The following ERC2 variants were observed in gnomAD, a reference collection of about 807,000 sequenced individuals.
ERC2 encodes ELKS/RAB6-interacting/CAST family member 2, also known as ERC protein 2.
In ERC2, 42 loss-of-function variants were observed where a neutral mutation model predicts 114.8. That is an observed-to-expected ratio of 0.37 (90% confidence interval 0.29 to 0.47). The LOEUF is 0.47. Ranked by LOEUF, ERC2 falls within the 20% of genes least tolerant of loss-of-function variation. ERC2 has a pLI of 0.99. For synonymous variants in ERC2, 454 were observed against 425.5 expected (o/e 1.07, Z -0.82); for missense variants, 939 against 1,150.7 (o/e 0.82, Z 2.66).
At chr3:56,084,787 A>T (rs148664264) in intron 6 of ERC2, among the ~76,000 whole-genome samples, 1 of 151,912 alleles carries the variant, frequency 6.6e-6, no homozygotes, top group Non-Finnish European at 1.5e-5. Flanking sequence ...GTACACTGAA[A>T]TCCCAGACTT....
intron 6 of ERC2, among the ~76,000 whole-genome samples, chr3:56,136,874 C>T (rs922039920): frequency 2.0e-5 from 3 of 152,174 alleles, no homozygotes; most frequent in Admixed American, 1.3e-4. Context: ...TAATCTCATA[C>T]TCCCAACTTC....
At chr3:56,346,162 C>T (rs186752990) in intron 2 of ERC2, among the ~76,000 whole-genome samples, 6 of 152,214 alleles carry the variant, frequency 3.9e-5, no homozygotes, top group Admixed American at 2.0e-4. Flanking sequence ...CAGTGTAACA[C>T]TTTGAATAAA....
At chr3:56,078,199 G>A (rs1282913243) in intron 7 of ERC2, among the ~76,000 whole-genome samples, 1 of 152,140 alleles carries the variant, frequency 6.6e-6, no homozygotes, top group East Asian at 1.9e-4. Flanking sequence ...AGAGGAAGAG[G>A]ATCCAATGAC....
At chr3:55,968,909 T>TA (rs1363612055) in intron 12 of ERC2, among the ~76,000 whole-genome samples, 1 of 152,088 alleles carries the variant, frequency 6.6e-6, no homozygotes, top group Non-Finnish European at 1.5e-5. Context: ...TTCTAACTCA[T>TA]AAAAAACATG....
chr3:56,367,947 A>T (rs1390428587), intron 2 of ERC2, among the ~76,000 whole-genome samples: 25 of 7,046 alleles, frequency 3.5e-3, no homozygotes, highest in African/African-American at 4.9e-3. Flanking sequence ...TCTCTCTTTA[A>T]AAAAAAAAAA....
At chr3:55,934,234 T>G (rs1204377665) in intron 13 of ERC2, among the ~76,000 whole-genome samples, 1 of 152,208 alleles carries the variant, frequency 6.6e-6, no homozygotes, top group Non-Finnish European at 1.5e-5. Flanking sequence ...TCCCAGTCAG[T>G]GCAAAAGTAT....
chr3:56,331,441 C>T (rs2057611317), intron 2 of ERC2, among the ~76,000 whole-genome samples: 2 of 152,130 alleles, frequency 1.3e-5, no homozygotes, highest in Admixed American at 1.3e-4. Flanking sequence ...TTACAATACC[C>T]TTATTGCAAT....
At chr3:56,087,276 A>T (rs760362613) in intron 6 of ERC2, among the ~76,000 whole-genome samples, 1 of 151,900 alleles carries the variant, frequency 6.6e-6, no homozygotes, top group Non-Finnish European at 1.5e-5. Context: ...AACATAAAAC[A>T]TTTGTTTTCA....
At chr3:55,831,447 G>A (rs1435344604) in intron 14 of ERC2, among the ~76,000 whole-genome samples, 4 of 130,044 alleles carry the variant, frequency 3.1e-5, no homozygotes, top group Non-Finnish European at 4.9e-5. Context: ...GGAAGGGGAG[G>A]GGAGAGGAGG....
chr3:56,314,660 T>C (rs1242350635), intron 2 of ERC2, among the ~76,000 whole-genome samples: 1 of 152,058 alleles, frequency 6.6e-6, no homozygotes, highest in Non-Finnish European at 1.5e-5. Context: ...AGAATAACCC[T>C]AGATTTTGCC....
intron 13 of ERC2, among the ~76,000 whole-genome samples, chr3:55,949,277 C>T (rs542870555): frequency 1.2e-4 from 18 of 152,022 alleles, no homozygotes; most frequent in South Asian, 4.2e-4. Context: ...GGTTGAGGCA[C>T]GAGAATGGTG....
chr3:55,560,574 C>T (rs1313029204), intron 17 of ERC2, among the ~76,000 whole-genome samples: 1 of 152,182 alleles, frequency 6.6e-6, no homozygotes, highest in Non-Finnish European at 1.5e-5. Context: ...TGACTACAGC[C>T]ATCTTGGATG....
intron 14 of ERC2, among the ~76,000 whole-genome samples, chr3:55,739,689 T>C (rs1320746409): frequency 6.6e-6 from 1 of 152,182 alleles, no homozygotes; most frequent in African/African-American, 2.4e-5. Flanking sequence ...GCAAAAATTT[T>C]CTCCCATTCT....
chr3:55,623,261 T>C (rs1023020610), intron 17 of ERC2, among the ~76,000 whole-genome samples: 5 of 152,222 alleles, frequency 3.3e-5, no homozygotes, highest in African/African-American at 1.2e-4. Context: ...AAAGAATTAA[T>C]ACATGAAGAC....
chr3:56,074,198 T>C (rs1279646996), intron 7 of ERC2, among the ~76,000 whole-genome samples: 1 of 152,124 alleles, frequency 6.6e-6, no homozygotes, highest in Non-Finnish European at 1.5e-5. Flanking sequence ...AGTGTGGTGG[T>C]TAAGAATAGC....
At chr3:55,731,342 C>T (rs773593098) in intron 15 of ERC2, among the ~76,000 whole-genome samples, 5 of 152,208 alleles carry the variant, frequency 3.3e-5, no homozygotes, top group South Asian at 2.1e-4. Context: ...TGAGGGTTGG[C>T]AGTGATAATG....
At chr3:55,861,592 AT>A (rs572953798) in intron 14 of ERC2, among the ~76,000 whole-genome samples, 1 of 151,318 alleles carries the variant, frequency 6.6e-6, no homozygotes, top group Non-Finnish European at 1.5e-5. Flanking sequence ...TTTTTTTTTC[AT>A]TTCTCTCTCT....
chr3:56,035,656 C>G (rs1243638948), intron 7 of ERC2, among the ~76,000 whole-genome samples: 1 of 152,172 alleles, frequency 6.6e-6, no homozygotes, highest in Non-Finnish European at 1.5e-5. Flanking sequence ...GAGGATACAG[C>G]CTTCCTCCTC....
At chr3:56,169,664 T>A (rs536177731) in intron 4 of ERC2, among the ~76,000 whole-genome samples, 2 of 152,304 alleles carry the variant, frequency 1.3e-5, no homozygotes, top group African/African-American at 4.8e-5. Context: ...CCTGTTTTTT[T>A]CCAGTAAATT....
Sources: gnomAD v4.1 joint callset for allele counts (sites outside exome capture counted in the v4.1 genomes callset) on GRCh38, gnomAD v4.1.1 for gene constraint, MANE v1.5 for transcripts, NCBI Gene and HGNC (gene_info 2026-07-23, HGNC 2026-07-21) for gene names.